ERBB4: variants seen among roughly 807,000 people sequenced by gnomAD.
ERBB4 encodes receptor tyrosine-protein kinase erbB-4.
ERBB4 carries 42 observed loss-of-function variants against 158.0 expected under a neutral mutation model. The ratio of observed to expected loss-of-function variants is 0.27; its 90% CI spans 0.21 to 0.34. The LOEUF (loss-of-function observed/expected upper bound fraction) is 0.34. Among genes scored for constraint, ERBB4 ranks in the 10% least tolerant of loss-of-function variants. The pLI is 1.00. For synonymous variants in ERBB4, 583 were observed against 558.7 expected, an observed-to-expected ratio of 1.04 and a Z score of -0.61; for missense variants, 1,333 against 1,624.1, an observed-to-expected ratio of 0.82 and a Z score of 3.08.
At chr2:212,238,492 G>A (rs950758287) in intron 1 of ERBB4, among the ~76,000 whole-genome samples, 20 of 152,208 alleles carry the variant, frequency 1.3e-4, no homozygotes, top group African/African-American at 4.6e-4. Context: ...TGATCTCGCT[G>A]GAAGCTGCAG....
intron 5 of ERBB4, among the ~76,000 whole-genome samples, chr2:211,726,662 A>G (rs2074278819): frequency 6.6e-6 from 1 of 152,154 alleles, no homozygotes; most frequent in Non-Finnish European, 1.5e-5. Context: ...TCAAAAGCCT[A>G]TCTCTAAATG....
chr2:212,078,393 A>G (rs16847653), intron 2 of ERBB4, among the ~76,000 whole-genome samples: 3,255 of 152,112 alleles, frequency 0.021, 130 homozygotes, highest in African/African-American at 0.075. Context: ...ACGGACAGCT[A>G]TAAAGAAGTT....
intron 1 of ERBB4, among the ~76,000 whole-genome samples, chr2:212,280,607 G>T (rs1407858790): frequency 6.6e-6 from 1 of 151,592 alleles, no homozygotes; most frequent in South Asian, 2.1e-4. Context: ...CTGCGTTTCT[G>T]TTGCTGTTGT....
At chr2:212,165,446 C>A (rs968105757) in intron 1 of ERBB4, among the ~76,000 whole-genome samples, 9 of 151,794 alleles carry the variant, frequency 5.9e-5, no homozygotes, top group Non-Finnish European at 1.2e-4. Flanking sequence ...AGGGTAAATC[C>A]TTTCATATAC....
intron 22 of ERBB4, among the ~76,000 whole-genome samples, chr2:211,424,885 AG>A (rs2063592106): frequency 1.3e-5 from 2 of 152,164 alleles, no homozygotes; most frequent in Non-Finnish European, 1.5e-5. Context: ...CGTAATATAT[AG>A]TACATGTGAA....
At chr2:211,650,492 T>C (rs1298250136) in intron 16 of ERBB4, among the ~76,000 whole-genome samples, 1 of 152,088 alleles carries the variant, frequency 6.6e-6, no homozygotes, top group East Asian at 1.9e-4. Flanking sequence ...GTATATGCAA[T>C]GGGTTCAGGC....
At chr2:212,266,083 G>A (rs749634968) in intron 1 of ERBB4, among the ~76,000 whole-genome samples, 2 of 151,854 alleles carry the variant, frequency 1.3e-5, no homozygotes, top group Non-Finnish European at 2.9e-5. Flanking sequence ...TGAGTGACTA[G>A]AGCCTCCGTC....
chr2:212,403,800 TTAATAA>T (rs2091273417), intron 1 of ERBB4, among the ~76,000 whole-genome samples: 1 of 152,008 alleles, frequency 6.6e-6, no homozygotes, highest in South Asian at 2.1e-4. Flanking sequence ...AATTCTAAAG[TTAATAA>T]TAATGTATTA....
chr2:212,184,765 C>T (rs1437695696), intron 1 of ERBB4, among the ~76,000 whole-genome samples: 1 of 151,990 alleles, frequency 6.6e-6, no homozygotes, highest in African/African-American at 2.4e-5. Context: ...TATTCAAAAT[C>T]CAAAACATTT....
At chr2:211,490,401 G>C (rs2065310233) in intron 20 of ERBB4, among the ~76,000 whole-genome samples, 1 of 151,990 alleles carries the variant, frequency 6.6e-6, no homozygotes, top group Admixed American at 6.6e-5. Context: ...AAGCTCCATG[G>C]AAGCAGGGGT....
At chr2:212,184,942 C>T (rs536990459) in intron 1 of ERBB4, among the ~76,000 whole-genome samples, 15 of 152,058 alleles carry the variant, frequency 9.9e-5, no homozygotes, top group African/African-American at 3.4e-4. Context: ...CCTTCACCCA[C>T]GGTCCTCTGT....
At chr2:211,541,111 T>G (rs370370144) in intron 20 of ERBB4, among the ~76,000 whole-genome samples, 11 of 151,904 alleles carry the variant, frequency 7.2e-5, no homozygotes, top group African/African-American at 2.7e-4. Context: ...AAAGGTACAA[T>G]GTGGTCTTTA....
At chr2:212,487,149 A>G (rs980892322) in intron 1 of ERBB4, among the ~76,000 whole-genome samples, 8 of 152,122 alleles carry the variant, frequency 5.3e-5, no homozygotes, top group African/African-American at 1.9e-4. Context: ...TTCTACAAAG[A>G]CAGTACTGTG....
chr2:211,614,667 C>A (rs1485668415), intron 19 of ERBB4, among the ~76,000 whole-genome samples: 5 of 151,908 alleles, frequency 3.3e-5, no homozygotes, highest in East Asian at 3.9e-4. Flanking sequence ...TGTTATAGAA[C>A]AAAATACCTT....
chr2:212,316,535 A>T (rs962432920), intron 1 of ERBB4, among the ~76,000 whole-genome samples: 15 of 151,518 alleles, frequency 9.9e-5, no homozygotes, highest in African/African-American at 3.6e-4. Context: ...CTTTCAGGTG[A>T]ATTTACTTTG....
At chr2:211,502,327 T>G (rs918545208) in intron 20 of ERBB4, among the ~76,000 whole-genome samples, 16 of 152,176 alleles carry the variant, frequency 1.1e-4, no homozygotes, top group African/African-American at 3.6e-4. Context: ...TTTTATATAC[T>G]CAAATTAGGG....
intron 3 of ERBB4, among the ~76,000 whole-genome samples, chr2:211,917,901 G>A (rs183834352): frequency 8.0e-4 from 121 of 152,194 alleles, no homozygotes; most frequent in African/African-American, 2.6e-3. Flanking sequence ...CCCTTATATC[G>A]TAGAGGCAAG....
At chr2:211,662,787 A>AATGAT (rs2071478746) in intron 15 of ERBB4, among the ~76,000 whole-genome samples, 1 of 152,216 alleles carries the variant, frequency 6.6e-6, no homozygotes, top group Non-Finnish European at 1.5e-5. Context: ...GACACAGGTA[A>AATGAT]CTTTATTTTC....
rs555795619 is a variant in ERBB4 at position 212,147,389 on chromosome 2, C to A, written c.83-22486G>T. Among the ~76,000 whole-genome samples the A allele has an allele frequency of 2.6e-5, 4 of 151,842 alleles. No homozygotes were observed. The South Asian group carries it at 8.3e-4, about 32-fold the overall frequency. On this transcript the variant is annotated intron_variant, in intron 1 of 27. Transcript: ENST00000342788. ...TATAAAATGTGAAGATTTAATCCAG[C>A]ATCATTTAAGAGTTAGATAGGATGA...
Sources: allele counts gnomAD v4.1 joint callset (sites outside exome capture counted in the v4.1 genomes callset), GRCh38; gene constraint gnomAD v4.1.1; transcripts MANE v1.5; gene names NCBI Gene and HGNC (gene_info 2026-07-23, HGNC 2026-07-21).